SLC7A1: variants seen among roughly 807,000 people sequenced by gnomAD.
The protein encoded by SLC7A1 is solute carrier family 7 member 1.
SLC7A1 carries 10 observed loss-of-function variants against 53.9 expected under a neutral mutation model. The observed-to-expected ratio is 0.19, with a 90% CI of 0.11 to 0.31. SLC7A1 has a LOEUF of 0.31. Among genes scored for constraint, SLC7A1 ranks in the 10% least tolerant of loss-of-function variants. The probability of loss-of-function intolerance (pLI) is 1.00; values close to 1 mark genes in which losing one functional copy is unlikely to be tolerated. For synonymous variants in SLC7A1, 342 were observed against 338.7 expected (o/e 1.01, Z -0.11); for missense variants, 525 against 827.2 (o/e 0.63, Z 4.48).
chr13:29,516,112 G>A, intron 12 of SLC7A1, 26 bp downstream of exon 12: 1 of 1,456,352 alleles, frequency 6.9e-7, no homozygotes, highest in Non-Finnish European at 9.6e-7. Context: ...CAGGATCTTG[G>A]ACGTGCTGGC....
At chr13:29,535,757 T>G in intron 3 of SLC7A1, 62 bp downstream of exon 3, 2 of 1,544,296 alleles carry the variant, frequency 1.3e-6, no homozygotes, top group South Asian at 1.2e-5. Flanking sequence ...CACCCACACT[T>G]TGGAGGTGGG....
At position 29,567,942 on chromosome 13, in the gene SLC7A1, A is replaced by G. The variant is rs1756437; in HGVS notation, c.-114-14082T>C. Among the ~76,000 whole-genome samples the G allele has an allele frequency of 3.4e-3, 523 of 151,796 alleles. 4 individuals carry two copies. Among genetic ancestry groups the G allele is most frequent in the African/African-American group, 0.012 (490 of 41,350 alleles). The stretch of plus-strand genomic sequence containing the variant: ...GAGGTGGCCCTAACTTCTAGGAGGG[A>G]TTGACTCCAAAGAGCTCCCACCCAG... On this transcript the variant is annotated intron_variant, in intron 1 of 12. Transcript: ENST00000380752.
chr13:29,553,453 C>T (rs1002608127), intron 2 of SLC7A1, among the ~76,000 whole-genome samples: 1 of 151,952 alleles, frequency 6.6e-6, no homozygotes, highest in African/African-American at 2.4e-5. Context: ...GACCAGGCCT[C>T]AGGGACGGAA....
intron 1 of SLC7A1, among the ~76,000 whole-genome samples, chr13:29,591,386 C>T (rs1872103202): frequency 6.6e-6 from 1 of 152,196 alleles, no homozygotes; most frequent in Non-Finnish European, 1.5e-5. Context: ...TGGGGCTCTG[C>T]TCTTTCTGCC....
chr13:29,576,355 C>T (rs1324836901), intron 1 of SLC7A1, among the ~76,000 whole-genome samples: 2 of 149,162 alleles, frequency 1.3e-5, no homozygotes, highest in African/African-American at 5.0e-5. Flanking sequence ...TAGGAAGAAC[C>T]ACACAAACTA....
At chr13:29,568,845 C>A (rs966072482) in intron 1 of SLC7A1, among the ~76,000 whole-genome samples, 1 of 152,144 alleles carries the variant, frequency 6.6e-6, no homozygotes, top group Non-Finnish European at 1.5e-5. Flanking sequence ...CAAGTCCGTC[C>A]CTTTATTTTA....
chr13:29,564,812 A>T (rs1870898675), intron 1 of SLC7A1, among the ~76,000 whole-genome samples: 1 of 152,266 alleles, frequency 6.6e-6, no homozygotes, highest in Admixed American at 6.5e-5. Flanking sequence ...AAGAAAATAA[A>T]TAGAGATTAC....
intron 1 of SLC7A1, among the ~76,000 whole-genome samples, chr13:29,567,027 T>C (rs1161670076): frequency 6.6e-6 from 1 of 152,236 alleles, no homozygotes; most frequent in Admixed American, 6.5e-5. Flanking sequence ...AAGCTATTTA[T>C]TACATGTAAC....
intron 8 of SLC7A1, among the ~76,000 whole-genome samples, chr13:29,521,715 C>T (rs754651777): frequency 9.2e-5 from 14 of 152,210 alleles, no homozygotes; most frequent in Admixed American, 9.2e-4. Context: ...AACACCTACA[C>T]GGCTCAGATT....
chr13:29,564,931 C>G (rs1375665928), intron 1 of SLC7A1, among the ~76,000 whole-genome samples: 1 of 152,218 alleles, frequency 6.6e-6, no homozygotes, highest in East Asian at 1.9e-4. Context: ...TTCTGTTCTT[C>G]AACTGCACTG....
At chr13:29,521,049 T>C (rs1056078949) in intron 8 of SLC7A1, among the ~76,000 whole-genome samples, 11 of 152,196 alleles carry the variant, frequency 7.2e-5, no homozygotes, top group Admixed American at 5.9e-4. Flanking sequence ...TTTAATATGA[T>C]CAAATTCCAC....
chr13:29,565,785 C>T (rs1484939596), intron 1 of SLC7A1, among the ~76,000 whole-genome samples: 4 of 152,178 alleles, frequency 2.6e-5, no homozygotes, highest in African/African-American at 7.2e-5. Flanking sequence ...CAGACAGTAG[C>T]CCACCTTACC....
chr13:29,569,537 G>A (rs1330468247), intron 1 of SLC7A1, among the ~76,000 whole-genome samples: 1 of 152,206 alleles, frequency 6.6e-6, no homozygotes, highest in African/African-American at 2.4e-5. Context: ...TTGACCTCAT[G>A]AGGCGGGGGC....
intron 2 of SLC7A1, among the ~76,000 whole-genome samples, chr13:29,545,520 T>G (rs1247931732): frequency 6.6e-6 from 1 of 152,202 alleles, no homozygotes; most frequent in Non-Finnish European, 1.5e-5. Context: ...CATGAGACAA[T>G]GTACTAGGAA....
intron 12 of SLC7A1, among the ~76,000 whole-genome samples, chr13:29,515,264 G>A (rs1228274085): frequency 6.6e-6 from 1 of 152,260 alleles, no homozygotes; most frequent in African/African-American, 2.4e-5. Flanking sequence ...AGGGATGCTG[G>A]GAAGAGGCGC....
chr13:29,550,985 G>A (rs774354066), intron 2 of SLC7A1, among the ~76,000 whole-genome samples: 30 of 152,144 alleles, frequency 2.0e-4, no homozygotes, highest in Non-Finnish European at 3.2e-4. Context: ...CCACAACTTC[G>A]CCTGAAGCTA....
In SLC7A1 at chr13:29,536,119, C is replaced by G. The variant is rs1869406287; in HGVS notation, c.70G>C (p.Glu24Gln). 3.1e-6 allele frequency: 5 copies of G among 1,613,932 alleles called. No homozygotes were observed. The highest frequency in any genetic ancestry group is 4.2e-6 in the Non-Finnish European group (5 of 1,180,046). ...LRRKVVDCSR[E>Q]ETRLSRCLNT... is the part of the protein sequence containing the mutation. ...AGGCAGCGAGACAGCCGCGTCTCCT[C>G]CCGGCTACAGTCCACCACCTTCCGC... Residue 24 changes from glutamate to glutamine, a missense_variant, in exon 3 of 13, where the codon GAG becomes CAG. Physicochemically the swap from Glu to Gln is conservative, Grantham distance 29. This residue lies in a region of SLC7A1 where 354 missense variants were observed against 587.5 expected (regional missense o/e 0.60). Coordinates refer to ENST00000380752, the MANE Select transcript of SLC7A1 (RefSeq NM_003045.5).
intron 2 of SLC7A1, among the ~76,000 whole-genome samples, chr13:29,546,071 C>T (rs1869909599): frequency 1.3e-5 from 2 of 152,224 alleles, no homozygotes; most frequent in South Asian, 4.1e-4. Context: ...TCCTCTGACA[C>T]GTGCCTTTTC....
intron 1 of SLC7A1, among the ~76,000 whole-genome samples, chr13:29,557,697 G>C (rs961626467): frequency 2.2e-5 from 3 of 137,342 alleles, no homozygotes; most frequent in South Asian, 5.5e-4. Context: ...TATGAGTGGG[G>C]GGGAGTGAAT....
Sources: gnomAD v4.1 joint callset for allele counts (sites outside exome capture counted in the v4.1 genomes callset) on GRCh38, gnomAD v4.1.1 for gene constraint, gnomAD v4.1.1 regional missense constraint, MANE v1.5 for transcripts, NCBI Gene and HGNC (gene_info 2026-07-23, HGNC 2026-07-21) for gene names.